The following CCDC146 variants were observed in gnomAD, a reference collection of about 807,000 sequenced individuals.
CCDC146 encodes the protein coiled-coil domain containing 146.
CCDC146 carries 92 observed loss-of-function variants against 119.3 expected under a neutral mutation model. That is an observed-to-expected ratio of 0.77 (90% CI 0.65 to 0.92). CCDC146 has a LOEUF of 0.92. Among genes scored for constraint, CCDC146 ranks in the 40% least tolerant of loss-of-function variants. CCDC146 has a pLI of 0.00. For missense variants in CCDC146, 1,000 were observed against 1,103.0 expected (o/e 0.91, Z 1.32); for synonymous variants, 372 against 371.8 (o/e 1.00, Z -0.01).
Position 77,158,811 on chromosome 7 carries a change from C to A in CCDC146, c.-11-8847C>A, listed in dbSNP as rs117487070. 9.9e-3 allele frequency among the ~76,000 whole-genome samples: 1,502 copies of A among 152,302 alleles called. 19 individuals carry two copies. The highest frequency in any genetic ancestry group is 0.013 in the Non-Finnish European group (857 of 68,026). ...GGGATTACAGGCGTAAACCACTGCG[C>A]CCAGCCAGATATTTGTTTTATCCAT... On this transcript the variant is annotated intron_variant, in intron 1 of 18. Coordinates refer to ENST00000285871, the MANE Select transcript of CCDC146 (RefSeq NM_020879.3).
At chr7:77,237,746 G>A (rs532248067) in intron 3 of CCDC146, among the ~76,000 whole-genome samples, 1 of 152,168 alleles carries the variant, frequency 6.6e-6, no homozygotes, top group Non-Finnish European at 1.5e-5. Context: ...GGCTATCATA[G>A]AAGAGTCCAG....
chr7:77,285,059 C>T (rs1475990827), intron 15 of CCDC146, among the ~76,000 whole-genome samples: 1 of 151,626 alleles, frequency 6.6e-6, no homozygotes, highest in East Asian at 1.9e-4. Flanking sequence ...TTTCGGTCGT[C>T]CATAACAGTT....
chr7:77,247,975 T>G (rs1482667833), intron 4 of CCDC146, among the ~76,000 whole-genome samples: 2 of 152,206 alleles, frequency 1.3e-5, no homozygotes, highest in Non-Finnish European at 2.9e-5. Context: ...AAAAGATACC[T>G]GCGCTCATAT....
intron 11 of CCDC146, among the ~76,000 whole-genome samples, chr7:77,277,680 A>T (rs1031753911): frequency 6.6e-6 from 1 of 152,194 alleles, no homozygotes; most frequent in Non-Finnish European, 1.5e-5. Flanking sequence ...GTGTACAGTT[A>T]CTTAAATATT....
intron 1 of CCDC146, among the ~76,000 whole-genome samples, chr7:77,165,073 G>A (rs1265088976): frequency 1.3e-5 from 2 of 152,218 alleles, no homozygotes; most frequent in African/African-American, 4.8e-5. Context: ...TTATGCAGTG[G>A]AGGCATTTTA....
At chr7:77,203,033 C>G (rs964743086) in intron 2 of CCDC146, among the ~76,000 whole-genome samples, 1 of 1,458 alleles carries the variant, frequency 6.9e-4, no homozygotes, top group Non-Finnish European at 2.2e-3. Context: ...AAATACTTGC[C>G]CCCCCCCCCC....
chr7:77,267,056 G>A (rs981096029), intron 9 of CCDC146, among the ~76,000 whole-genome samples: 23 of 150,156 alleles, frequency 1.5e-4, no homozygotes, highest in African/African-American at 4.2e-4. Context: ...CAGTGGCACC[G>A]TGTCGGTTCA....
intron 2 of CCDC146, among the ~76,000 whole-genome samples, chr7:77,233,722 C>T (rs2150478912): frequency 6.6e-6 from 1 of 152,306 alleles, no homozygotes; most frequent in Middle Eastern, 3.4e-3. Flanking sequence ...GCTGATCTGT[C>T]AGGAGGCAGA....
At chr7:77,287,116 A>T (rs1793862295) in intron 16 of CCDC146, 190 bp downstream of exon 16, 1 of 712,180 alleles carries the variant, frequency 1.4e-6, no homozygotes, top group African/African-American at 1.8e-5. Flanking sequence ...AGAAGTTCCA[A>T]TCCAGTGGTT....
intron 4 of CCDC146, among the ~76,000 whole-genome samples, chr7:77,248,105 G>A (rs577785225): frequency 1.5e-4 from 23 of 152,282 alleles, no homozygotes; most frequent in Non-Finnish European, 2.8e-4. Flanking sequence ...GTCATAAAAT[G>A]AAATCATGTA....
intron 2 of CCDC146, among the ~76,000 whole-genome samples, chr7:77,215,904 T>C (rs1792293446): frequency 6.6e-6 from 1 of 152,078 alleles, no homozygotes; most frequent in Non-Finnish European, 1.5e-5. Flanking sequence ...ATTCAATTGG[T>C]TTATTTTTTT....
chr7:77,234,323 G>T (rs1289881521), intron 2 of CCDC146, among the ~76,000 whole-genome samples: 1 of 151,110 alleles, frequency 6.6e-6, no homozygotes, highest in East Asian at 1.9e-4. Context: ...GGAAACCAAT[G>T]AAAATGTTTG....
chr7:77,127,996 G>T (rs886889107), intron 1 of CCDC146, among the ~76,000 whole-genome samples: 3 of 151,824 alleles, frequency 2.0e-5, no homozygotes, highest in Admixed American at 2.0e-4. Context: ...ATATTTATTT[G>T]GTTCTTTAAA....
intron 2 of CCDC146, among the ~76,000 whole-genome samples, chr7:77,181,473 G>A (rs1178589103): frequency 6.6e-6 from 1 of 152,180 alleles, no homozygotes; most frequent in Non-Finnish European, 1.5e-5. Context: ...CCCAAACAAG[G>A]TGTATGCAGG....
At chr7:77,229,435 G>C (rs1242974067) in intron 2 of CCDC146, among the ~76,000 whole-genome samples, 1 of 152,092 alleles carries the variant, frequency 6.6e-6, no homozygotes, top group Non-Finnish European at 1.5e-5. Flanking sequence ...GTCTTCCAGG[G>C]TTATTATAAT....
intron 2 of CCDC146, among the ~76,000 whole-genome samples, chr7:77,222,138 G>A (rs1792415155): frequency 6.6e-6 from 1 of 152,200 alleles, no homozygotes; most frequent in Non-Finnish European, 1.5e-5. Context: ...TAGCAAGAGT[G>A]GAACTCAAAC....
intron 2 of CCDC146, among the ~76,000 whole-genome samples, chr7:77,190,183 G>C (rs1380136232): frequency 3.3e-5 from 5 of 152,178 alleles, no homozygotes; most frequent in Admixed American, 3.3e-4. Context: ...CTCAACTTTA[G>C]TTACCATGAG....
At chr7:77,253,146 G>A (rs1350258677) in intron 4 of CCDC146, among the ~76,000 whole-genome samples, 1 of 152,182 alleles carries the variant, frequency 6.6e-6, no homozygotes, top group African/African-American at 2.4e-5. Flanking sequence ...ATAGCTTGTA[G>A]TGGAAACAAA....
In CCDC146 at chr7:77,293,250, G is replaced by A. The variant is rs555067486; in HGVS notation, c.2664+50G>A. ...TTTCTAAAGGGTGCCAGCAGGGGTT[G>A]CATTCAGGCAACCCACAGTTATCCC... On this transcript the variant is annotated intron_variant, in intron 18 of 18. Coordinates refer to ENST00000285871, the MANE Select transcript of CCDC146 (RefSeq NM_020879.3). 36 of 1,566,952 alleles carry A rather than the reference G, an allele frequency of 2.3e-5. No individual in the cohort carries two copies. In the East Asian group the frequency reaches 5.1e-4, roughly 22 times the overall value.
Sources: allele counts gnomAD v4.1 joint callset (sites outside exome capture counted in the v4.1 genomes callset), GRCh38; gene constraint gnomAD v4.1.1; transcripts MANE v1.5; gene names NCBI Gene and HGNC (gene_info 2026-07-23, HGNC 2026-07-21).